Variants in DIS3L2 observed in about 807,000 individuals in gnomAD.
DIS3L2 encodes the protein DIS3 like 3'-5' exoribonuclease 2, also known as DIS3-like exonuclease 2.
DIS3L2 carries 34 observed loss-of-function variants against 97.5 expected under a neutral mutation model. The ratio of observed to expected loss-of-function variants is 0.35; its 90% CI spans 0.27 to 0.46. DIS3L2 has a LOEUF of 0.46. Ranked by LOEUF, DIS3L2 falls within the 20% of genes least tolerant of loss-of-function variation. The pLI is 1.00. For synonymous variants in DIS3L2, 435 were observed against 445.2 expected (o/e 0.98, Z 0.29); for missense variants, 1,038 against 1,146.0 (o/e 0.91, Z 1.36).
chr2:232,060,191 T>A (rs188074927), intron 5 of DIS3L2, among the ~76,000 whole-genome samples: 1 of 152,264 alleles, frequency 6.6e-6, no homozygotes, highest in East Asian at 1.9e-4. Flanking sequence ...GTGGGTTGTC[T>A]CTTCATTTTG....
chr2:232,262,856 G>C (rs1693746540), intron 12 of DIS3L2, among the ~76,000 whole-genome samples: 1 of 152,046 alleles, frequency 6.6e-6, no homozygotes, highest in South Asian at 2.1e-4. Flanking sequence ...CCACATTGTT[G>C]GCAGCTCTCT....
At chr2:232,070,295 T>C (rs977904332) in intron 5 of DIS3L2, among the ~76,000 whole-genome samples, 2 of 152,186 alleles carry the variant, frequency 1.3e-5, no homozygotes, top group African/African-American at 4.8e-5. Context: ...AGAAAAATTC[T>C]TTCCTAGGGC....
chr2:232,176,739 C>T (rs1318714835), intron 9 of DIS3L2, among the ~76,000 whole-genome samples: 1 of 139,766 alleles, frequency 7.2e-6, no homozygotes, highest in Admixed American at 7.8e-5. Context: ...CAGGCATGTG[C>T]CACCATGCCC....
chr2:231,992,633 C>G (rs1440250309), intron 1 of DIS3L2, among the ~76,000 whole-genome samples: 2 of 152,116 alleles, frequency 1.3e-5, no homozygotes, highest in Non-Finnish European at 2.9e-5. Flanking sequence ...TTGCTTCCCC[C>G]TTGCACCTCT....
chr2:232,061,793 T>C (rs1446237671), intron 5 of DIS3L2, among the ~76,000 whole-genome samples: 1 of 152,150 alleles, frequency 6.6e-6, no homozygotes, highest in Non-Finnish European at 1.5e-5. Context: ...GAAATGATGT[T>C]GGGTTATATA....
chr2:232,176,595 GT>G (rs1691163367), intron 9 of DIS3L2, among the ~76,000 whole-genome samples: 1 of 150,684 alleles, frequency 6.6e-6, no homozygotes, highest in Non-Finnish European at 1.5e-5. Context: ...TTTTGTTTTT[GT>G]TTTTTTCTTG....
chr2:232,181,174 G>C lies in DIS3L2; in HGVS notation c.1124+17542G>C, dbSNP rs528586070. The stretch of plus-strand genomic sequence containing the variant: ...TTCTGGCTTGTAGGGTTTCTGCCGA[G>C]AGATCCGCTGTTAGTCTGATGGGCT... On this transcript the variant is annotated intron_variant, in intron 9 of 20. Transcript: ENST00000325385. Among the ~76,000 whole-genome samples, 12 of 147,742 alleles carry C rather than the reference G, an allele frequency of 8.1e-5. No individual in the cohort carries two copies. In the East Asian group the frequency reaches 2.2e-3, roughly 27 times the overall value.
At chr2:232,172,786 T>G (rs1163040068) in intron 9 of DIS3L2, 2 of 533,698 alleles carry the variant, frequency 3.7e-6, no homozygotes, top group Non-Finnish European at 7.7e-6. Flanking sequence ...TAACACTTGT[T>G]ATCTGTATTT....
chr2:232,105,287 T>A (rs1311420716), intron 6 of DIS3L2, among the ~76,000 whole-genome samples: 1 of 152,204 alleles, frequency 6.6e-6, no homozygotes, highest in African/African-American at 2.4e-5. Flanking sequence ...TGCTGGGTCA[T>A]AGGGTAATTC....
At chr2:232,021,247 G>A (rs1434092049) in intron 3 of DIS3L2, among the ~76,000 whole-genome samples, 1 of 152,068 alleles carries the variant, frequency 6.6e-6, no homozygotes, top group Non-Finnish European at 1.5e-5. Flanking sequence ...GGTTTGTTCA[G>A]GATTTGCAAC....
At chr2:232,296,622 A>G (rs1378954892) in intron 13 of DIS3L2, among the ~76,000 whole-genome samples, 1 of 152,114 alleles carries the variant, frequency 6.6e-6, no homozygotes, top group Non-Finnish European at 1.5e-5. Context: ...GTTTCCCTGC[A>G]CAAGCCCTCT....
chr2:232,127,438 T>C (rs1487205626), intron 6 of DIS3L2, among the ~76,000 whole-genome samples: 2 of 152,216 alleles, frequency 1.3e-5, no homozygotes, highest in Non-Finnish European at 2.9e-5. Flanking sequence ...TCACCAAGAC[T>C]ATTCAACTCC....
chr2:232,021,912 G>A (rs571626924), intron 3 of DIS3L2, among the ~76,000 whole-genome samples: 3 of 152,202 alleles, frequency 2.0e-5, no homozygotes, highest in South Asian at 4.1e-4. Context: ...CAATTAAGGC[G>A]AAGAATCAGG....
At chr2:232,124,045 A>C (rs1308095325) in intron 6 of DIS3L2, among the ~76,000 whole-genome samples, 3 of 152,258 alleles carry the variant, frequency 2.0e-5, no homozygotes, top group Admixed American at 6.5e-5. Context: ...GCCCATAAAT[A>C]TAACCAGGCA....
chr2:231,988,983 A>G (rs529797043), intron 1 of DIS3L2, among the ~76,000 whole-genome samples: 92 of 152,212 alleles, frequency 6.0e-4, no homozygotes, highest in South Asian at 2.7e-3. Context: ...AAAGTCACAT[A>G]TTTTTCCAAA....
At chr2:232,217,642 G>A (rs1160448164) in intron 10 of DIS3L2, among the ~76,000 whole-genome samples, 1 of 152,128 alleles carries the variant, frequency 6.6e-6, no homozygotes, top group African/African-American at 2.4e-5. Flanking sequence ...AGTGGCTCAC[G>A]GAAAACTCAG....
At chr2:232,060,744 G>GT (rs1695681562) in intron 5 of DIS3L2, among the ~76,000 whole-genome samples, 1 of 152,100 alleles carries the variant, frequency 6.6e-6, no homozygotes, top group African/African-American at 2.4e-5. Context: ...ATTGCTTTGG[G>GT]TAGTATGGAC....
intron 1 of DIS3L2, among the ~76,000 whole-genome samples, chr2:231,973,670 G>A (rs1692988303): frequency 6.6e-6 from 1 of 152,158 alleles, no homozygotes; most frequent in South Asian, 2.1e-4. Flanking sequence ...GGGATTACAG[G>A]TGTGAGCCAC....
chr2:232,337,766 G>GAAAC (rs1696011947), downstream of DIS3L2, among the ~76,000 whole-genome samples: 1 of 151,780 alleles, frequency 6.6e-6, no homozygotes, highest in Non-Finnish European at 1.5e-5. Flanking sequence ...TTTCTTCAAA[G>GAAAC]AAACACTCAA....
Sources: gnomAD v4.1 joint callset for allele counts (sites outside exome capture counted in the v4.1 genomes callset) on GRCh38, gnomAD v4.1.1 for gene constraint, MANE v1.5 for transcripts, NCBI Gene and HGNC (gene_info 2026-07-23, HGNC 2026-07-21) for gene names.